Variants in GALNTL6 observed in about 807,000 individuals in gnomAD.
GALNTL6 encodes the protein polypeptide N-acetylgalactosaminyltransferase like 6, also known as polypeptide N-acetylgalactosaminyltransferase-like 6.
GALNTL6 carries 46 observed loss-of-function variants against 73.7 expected under a neutral mutation model. That is an observed-to-expected ratio of 0.62 (90% CI 0.49 to 0.80). GALNTL6 has a LOEUF of 0.80. Ranked by LOEUF, GALNTL6 falls within the 30% of genes least tolerant of loss-of-function variation. The probability of loss-of-function intolerance (pLI) is 0.00; values close to 1 mark genes in which losing one functional copy is unlikely to be tolerated. For synonymous variants in GALNTL6, 259 were observed against 263.7 expected (o/e 0.98, Z 0.17); for missense variants, 604 against 755.0 (o/e 0.80, Z 2.34).
Position 172,206,805 on chromosome 4 carries a change from G to GTTTGTTTTTTTTTTTTT in GALNTL6, c.139-22848_139-22847insGTTTTTTTTTTTTTTTT, listed in dbSNP as rs1554003003. On this transcript the variant is annotated intron_variant, in intron 2 of 12. Transcript: ENST00000506823. ...TTGTTTTGTTTTGTTTTGTTTTTCT[G>GTTTGTTTTTTTTTTTTT]TTTTTTTTGTTTGTTTTTTTTTTTT... is the stretch of plus-strand genomic sequence containing the variant. 4.3e-3 allele frequency among the ~76,000 whole-genome samples: 112 copies of GTTTGTTTTTTTTTTTTT among 26,166 alleles called. 3 individuals are homozygous for GTTTGTTTTTTTTTTTTT. Among genetic ancestry groups the GTTTGTTTTTTTTTTTTT allele is most frequent in the East Asian group, 8.0e-3 (2 of 250 alleles). The allele number at this position is 26,166 out of a possible 152,430, so 17.2% of individuals were successfully genotyped here.
chr4:172,864,510 G>A (rs1203651041), intron 7 of GALNTL6, among the ~76,000 whole-genome samples: 5 of 152,168 alleles, frequency 3.3e-5, no homozygotes, highest in Non-Finnish European at 7.3e-5. Flanking sequence ...TTAGAAGGTG[G>A]CATAAGAATT....
At chr4:171,988,119 A>G (rs961884061) in intron 2 of GALNTL6, among the ~76,000 whole-genome samples, 3 of 152,218 alleles carry the variant, frequency 2.0e-5, no homozygotes, top group African/African-American at 7.2e-5. Flanking sequence ...CAGCCACTGC[A>G]CGCAGACATG....
intron 5 of GALNTL6, among the ~76,000 whole-genome samples, chr4:172,805,795 A>G (rs922882053): frequency 2.6e-5 from 4 of 152,158 alleles, no homozygotes; most frequent in Admixed American, 1.3e-4. Flanking sequence ...CCCTTGACTA[A>G]AATATGGTCT....
chr4:172,206,785 TTGTTTTGTTTTGTTTTTCTG>T (rs1429568609), intron 2 of GALNTL6, among the ~76,000 whole-genome samples: 1 of 55,964 alleles, frequency 1.8e-5, no homozygotes, highest in Non-Finnish European at 5.1e-5. Flanking sequence ...GTTTTTTGTT[TTGTTTTGTTTTGTTTTTCTG>T]TTTTTTTTGT....
chr4:172,212,545 G>A (rs1036186708), intron 2 of GALNTL6, among the ~76,000 whole-genome samples: 2 of 151,998 alleles, frequency 1.3e-5, no homozygotes, highest in Non-Finnish European at 2.9e-5. Flanking sequence ...AGACTGCCAG[G>A]TGTCCATGAT....
chr4:172,014,453 T>C (rs1423658048), intron 2 of GALNTL6, among the ~76,000 whole-genome samples: 1 of 152,144 alleles, frequency 6.6e-6, no homozygotes, highest in African/African-American at 2.4e-5. Flanking sequence ...AGTTTTGATT[T>C]GCATTTCTTT....
At chr4:171,927,413 T>C (rs936960367) in intron 2 of GALNTL6, among the ~76,000 whole-genome samples, 4 of 152,176 alleles carry the variant, frequency 2.6e-5, no homozygotes, top group Admixed American at 6.5e-5. Flanking sequence ...GAGTCTATGA[T>C]TAAAAATACT....
chr4:172,779,461 GT>G (rs1380579164), intron 5 of GALNTL6, among the ~76,000 whole-genome samples: 1 of 152,170 alleles, frequency 6.6e-6, no homozygotes, highest in Non-Finnish European at 1.5e-5. Flanking sequence ...ATCACATCAT[GT>G]TTAGAGCTTC....
intron 2 of GALNTL6, among the ~76,000 whole-genome samples, chr4:172,007,244 A>C (rs1487597232): frequency 6.6e-6 from 1 of 152,036 alleles, no homozygotes; most frequent in African/African-American, 2.4e-5. Context: ...ATTCATGTAG[A>C]CTATATTTTT....
At chr4:172,760,337 T>A (rs972288336) in intron 5 of GALNTL6, among the ~76,000 whole-genome samples, 2 of 152,174 alleles carry the variant, frequency 1.3e-5, no homozygotes, top group Admixed American at 6.5e-5. Context: ...TTGAAAATAT[T>A]TCCTTGTAGA....
At chr4:172,323,851 A>G (rs996523375) in intron 4 of GALNTL6, among the ~76,000 whole-genome samples, 5 of 152,074 alleles carry the variant, frequency 3.3e-5, no homozygotes, top group Non-Finnish European at 7.4e-5. Flanking sequence ...AAAGGTGTCT[A>G]AAACACCATT....
At chr4:172,271,188 A>C (rs946412616) in intron 3 of GALNTL6, among the ~76,000 whole-genome samples, 6 of 152,180 alleles carry the variant, frequency 3.9e-5, no homozygotes, top group Non-Finnish European at 8.8e-5. Context: ...TTTACATGTT[A>C]TAAAAATGCT....
chr4:172,187,342 T>G (rs762503909), intron 2 of GALNTL6, among the ~76,000 whole-genome samples: 2 of 152,090 alleles, frequency 1.3e-5, no homozygotes, highest in African/African-American at 2.4e-5. Context: ...TCAAATACAT[T>G]AAAACCTCAT....
intron 2 of GALNTL6, among the ~76,000 whole-genome samples, chr4:172,163,566 T>G (rs1734535096): frequency 6.6e-6 from 1 of 152,014 alleles, no homozygotes; most frequent in Admixed American, 6.6e-5. Context: ...GTTTCTTATT[T>G]CCCTACAAGT....
intron 5 of GALNTL6, among the ~76,000 whole-genome samples, chr4:172,606,768 A>T (rs1363334702): frequency 6.7e-6 from 1 of 148,926 alleles, no homozygotes; most frequent in Non-Finnish European, 1.5e-5. Flanking sequence ...GATGGCAAGG[A>T]TCTGAACTAA....
At chr4:171,893,781 G>A (rs992745665) in intron 2 of GALNTL6, among the ~76,000 whole-genome samples, 1 of 152,110 alleles carries the variant, frequency 6.6e-6, no homozygotes, top group Non-Finnish European at 1.5e-5. Flanking sequence ...AAGATACAAT[G>A]CCATGATGAA....
intron 2 of GALNTL6, among the ~76,000 whole-genome samples, chr4:172,192,859 T>G (rs1303608400): frequency 6.6e-6 from 1 of 152,152 alleles, no homozygotes; most frequent in Non-Finnish European, 1.5e-5. Context: ...CATTTTCCCT[T>G]GCTGGTGCCC....
chr4:172,282,969 C>G (rs1220766501), intron 3 of GALNTL6, among the ~76,000 whole-genome samples: 1 of 152,134 alleles, frequency 6.6e-6, no homozygotes, highest in Non-Finnish European at 1.5e-5. Flanking sequence ...GAGGTTTTGC[C>G]TTTCTACTTT....
chr4:172,417,172 A>G (rs1221141807), intron 5 of GALNTL6, among the ~76,000 whole-genome samples: 1 of 148,894 alleles, frequency 6.7e-6, no homozygotes, highest in Non-Finnish European at 1.5e-5. Context: ...CTGTTGCTTT[A>G]TGTGTGTGTG....
Sources: gnomAD v4.1 joint callset for allele counts (sites outside exome capture counted in the v4.1 genomes callset) on GRCh38, gnomAD v4.1.1 for gene constraint, MANE v1.5 for transcripts, NCBI Gene and HGNC (gene_info 2026-07-23, HGNC 2026-07-21) for gene names.